IFI35: variants seen among roughly 807,000 people sequenced by gnomAD.
The protein encoded by IFI35 is interferon induced protein 35, also known as interferon-induced 35 kDa protein.
In IFI35, 30 loss-of-function variants were observed where a neutral mutation model predicts 28.6. That is an observed-to-expected ratio of 1.05 (90% CI 0.79 to 1.43). IFI35 has a LOEUF of 1.43. Ranked by LOEUF, IFI35 falls within the 40% of genes most tolerant of loss-of-function variation. IFI35 has a pLI of 0.00. For missense variants in IFI35, 372 were observed against 356.9 expected (o/e 1.04, Z -0.34); for synonymous variants, 146 against 154.8 (o/e 0.94, Z 0.42).
At chr17:43,007,588 G>A (rs1242147417) in intron 1 of IFI35, among the ~76,000 whole-genome samples, 1 of 151,556 alleles carries the variant, frequency 6.6e-6, no homozygotes, top group Non-Finnish European at 1.5e-5. Flanking sequence ...CACTTTGGGA[G>A]GCTGAGGCGT....
Position 43,014,331 on chromosome 17 carries a change from C to A in IFI35, c.*32C>A, listed in dbSNP as rs375807746. On this transcript the variant is annotated 3_prime_UTR_variant, in exon 7 of 7. Coordinates refer to ENST00000415816, the MANE Select transcript of IFI35 (RefSeq NM_001330230.2). ...CCCCTTCTCATCCTCCCCACCCCCC[C>A]GCCAAGGTTCTCACACTGGCCTGGG... 3.0e-4 allele frequency: 449 copies of A among 1,474,278 alleles called. 2 individuals are homozygous for A. Among genetic ancestry groups the A allele is most frequent in the Non-Finnish European group, 4.0e-4 (442 of 1,099,444 alleles). The allele number at this position is 1,474,278 out of a possible 1,614,324, so 91.3% of individuals were successfully genotyped here.
chr17:43,014,085 C>T (rs754138774), intron 6 of IFI35, 23 bp from the exon 7 acceptor site: 11 of 1,609,560 alleles, frequency 6.8e-6, no homozygotes, highest in African/African-American at 1.3e-5. Context: ...TGAGCCTTTG[C>T]CATCTCCTGG....
In IFI35 at chr17:43,013,035, C is replaced by G; in HGVS notation, c.121-12C>G. ...AGTGAGGAACACTCCTACTCCCCTC[C>G]CCTACTTCCAGGTCCCATTTTCAGT... is the stretch of plus-strand genomic sequence containing the variant. On this transcript the variant is annotated splice_polypyrimidine_tract_variant and intron_variant, in intron 2 of 6. Coordinates refer to ENST00000415816, the MANE Select transcript of IFI35 (RefSeq NM_001330230.2). The G allele has an allele frequency of 1.2e-6, 2 of 1,613,204 alleles. No homozygotes were observed. The highest frequency in any genetic ancestry group is 2.7e-5 in the African/African-American group (2 of 75,014).
chr17:43,012,742 A>C (rs553267327), intron 2 of IFI35: 29 of 357,120 alleles, frequency 8.1e-5, no homozygotes, highest in African/African-American at 5.9e-4. Context: ...TAAAACAAAG[A>C]AACACAAAAA....
Position 43,012,214 on chromosome 17 carries a change from C to G in IFI35, c.57C>G (p.Leu19=), listed in dbSNP as rs2050465836. The G allele has an allele frequency of 6.3e-7, 1 of 1,578,612 alleles. No individual in the cohort carries two copies. Among genetic ancestry groups the G allele is most frequent in the Admixed American group, 1.8e-5 (1 of 54,656 alleles). The part of the protein sequence containing the change: ...LHALQEEQAR[L]KMRLWDLQQL... ...CCCTTCAGGAGGAGCAGGCCAGACT[C>G]AAGATGAGGCTGTGGGACCTGCAGC... The change falls in exon 2 of 7, where the codon CTC becomes CTG. Residue 19 remains leucine, a synonymous_variant. Transcript: ENST00000415816.
chr17:43,011,345 C>A (rs1220489228), intron 1 of IFI35, among the ~76,000 whole-genome samples: 1 of 152,034 alleles, frequency 6.6e-6, no homozygotes, highest in Non-Finnish European at 1.5e-5. Flanking sequence ...ATGGTGAAAA[C>A]CTGTTTCTAC....
intron 2 of IFI35, 120 bp downstream of exon 2, chr17:43,012,397 G>C: frequency 1.6e-6 from 1 of 610,786 alleles, no homozygotes; most frequent in South Asian, 2.1e-5. Flanking sequence ...CTCAGGTCAG[G>C]AGTTTGAGAC....
At chr17:43,014,052 C>T (rs777446965) in intron 6 of IFI35, 56 bp from the exon 7 acceptor site, 1 of 1,557,756 alleles carries the variant, frequency 6.4e-7, no homozygotes, top group Non-Finnish European at 8.8e-7. Context: ...CTGCCCTACC[C>T]CCAGCCCCCA....
At position 43,012,219 on chromosome 17, in the gene IFI35, T is replaced by A. The variant is rs770588017; in HGVS notation, c.62T>A (p.Met21Lys). 3 of 1,579,418 alleles carry A rather than the reference T, an allele frequency of 1.9e-6. No homozygotes were observed. The highest frequency in any genetic ancestry group is 2.6e-6 in the Non-Finnish European group (3 of 1,162,184). ...CAGGAGGAGCAGGCCAGACTCAAGA[T>A]GAGGCTGTGGGACCTGCAGCAGCTG... is the stretch of plus-strand genomic sequence containing the variant. ...ALQEEQARLK[M>K]RLWDLQQLRK... The change falls in exon 2 of 7, where the codon ATG becomes AAG. Residue 21 changes from methionine (M) to lysine (K), a missense_variant. Met to Lys is a moderately conservative substitution (Grantham distance 95). Transcript: ENST00000415816.
At position 43,013,588 on chromosome 17, in the gene IFI35, G is replaced by C; in HGVS notation, c.488G>C (p.Arg163Thr). The C allele has an allele frequency of 6.2e-7, 1 of 1,614,164 alleles. No homozygotes were observed. The highest frequency in any genetic ancestry group is 8.5e-7 in the Non-Finnish European group (1 of 1,180,012). Residue 163 changes from arginine (R) to threonine (T), a missense_variant, in exon 5 of 7, where the codon AGG becomes ACG. Physicochemically the swap from Arg to Thr is moderately conservative, Grantham distance 71. Transcript: ENST00000415816. ...CTAGAGATCTTCTTTGGCAAGACTAGGAACGGAGGTGGCGATGTGGACGTT... is the reference window on the plus strand; with the variant it reads ...CTAGAGATCTTCTTTGGCAAGACTACGAACGGAGGTGGCGATGTGGACGTT... ...DKLEIFFGKTRNGGGDVDVRE... is the reference protein window; with the variant it reads ...DKLEIFFGKTTNGGGDVDVRE...
intron 6 of IFI35, 64 bp downstream of exon 6, chr17:43,013,946 C>A: frequency 7.3e-7 from 1 of 1,372,270 alleles, no homozygotes; most frequent in Non-Finnish European, 1.0e-6. Flanking sequence ...CAGGAACTTG[C>A]CCAATGAAGG....
chr17:43,007,255 A>C (rs976408728), intron 1 of IFI35, among the ~76,000 whole-genome samples: 1 of 152,138 alleles, frequency 6.6e-6, no homozygotes, highest in Non-Finnish European at 1.5e-5. Flanking sequence ...CCCAAATAAC[A>C]ATTGTTCTAG....
chr17:43,012,047 G>A (rs2050463434), intron 1 of IFI35, 132 bp from the exon 2 acceptor site: 2 of 604,992 alleles, frequency 3.3e-6, no homozygotes, highest in Non-Finnish European at 5.6e-6. Flanking sequence ...GCAGCACAAA[G>A]GGGTTGGGTT....
chr17:43,008,706 G>T (rs1030007881), intron 1 of IFI35, among the ~76,000 whole-genome samples: 9 of 151,242 alleles, frequency 6.0e-5, no homozygotes, highest in African/African-American at 2.2e-4. Flanking sequence ...TGTATTTTTG[G>T]TAGAGATGGG....
In IFI35 at chr17:43,013,573, T is replaced by A. The variant is rs760145503; in HGVS notation, c.473T>A (p.Phe158Tyr). 76 of 1,614,010 alleles carry A rather than the reference T, an allele frequency of 4.7e-5. No individual in the cohort carries two copies. In the East Asian group the frequency reaches 6.7e-4, roughly 14 times the overall value. ...EEELLDKLEI[F>Y]FGKTRNGGGD... is the part of the protein sequence containing the mutation. ...GAGCTGCTGGACAAGCTAGAGATCT[T>A]CTTTGGCAAGACTAGGAACGGAGGT... The change falls in exon 5 of 7, where the codon TTC (phenylalanine) becomes TAC (tyrosine). Residue 158 changes from phenylalanine (F) to tyrosine (Y), a missense_variant. By Grantham distance (22) the Phe-to-Tyr change is conservative (BLOSUM62 3). Transcript: ENST00000415816.
At chr17:43,014,031 T>C (rs1330005787) in intron 6 of IFI35, 77 bp from the exon 7 acceptor site, 33 of 1,449,488 alleles carry the variant, frequency 2.3e-5, no homozygotes, top group Non-Finnish European at 3.0e-5. Flanking sequence ...CATACCCCCA[T>C]GGGGCACTGC....
At position 43,012,259 on chromosome 17, in the gene IFI35, G is replaced by A; in HGVS notation, c.102G>A (p.Gly34=). Reference sequence around the variant, plus strand: ...TGCAGCAGCTGAGAAAGGAGCTCGGGGACTCCCCCAAAGACAAGGTAAGGT... The same window carrying A: ...TGCAGCAGCTGAGAAAGGAGCTCGGAGACTCCCCCAAAGACAAGGTAAGGT... ...WDLQQLRKEL[G]DSPKDKVPFS... is the part of the protein sequence containing the mutation. Residue 34 remains glycine, a synonymous_variant, in exon 2 of 7, where the codon GGG becomes GGA. Transcript: ENST00000415816. 2 of 1,573,036 alleles carry A rather than the reference G, an allele frequency of 1.3e-6. No individual in the cohort carries two copies. The highest frequency in any genetic ancestry group is 2.3e-5 in the South Asian group (2 of 85,558).
intron 2 of IFI35, 73 bp from the exon 3 acceptor site, chr17:43,012,974 T>C (rs944132150): frequency 6.9e-7 from 1 of 1,450,188 alleles, no homozygotes; most frequent in Non-Finnish European, 9.5e-7. Flanking sequence ...TCAGCATCAA[T>C]GGAATGGAAT....
chr17:43,012,505 C>T, intron 2 of IFI35: 1 of 313,238 alleles, frequency 3.2e-6, no homozygotes, highest in Non-Finnish European at 6.0e-6. Context: ...CTTTGGGAGG[C>T]CGAGGCTGGT....
Sources: gnomAD v4.1 joint callset for allele counts (sites outside exome capture counted in the v4.1 genomes callset) on GRCh38, gnomAD v4.1.1 for gene constraint, MANE v1.5 for transcripts, NCBI Gene and HGNC (gene_info 2026-07-23, HGNC 2026-07-21) for gene names.